Variants in KIFAP3 observed in about 807,000 individuals in gnomAD.
KIFAP3 encodes kinesin-associated protein 3.
KIFAP3 carries 68 observed loss-of-function variants against 106.5 expected under a neutral mutation model. The ratio of observed to expected loss-of-function variants is 0.64; its 90% confidence interval spans 0.53 to 0.78. The LOEUF (loss-of-function observed/expected upper bound fraction) is 0.78. Ranked by LOEUF, KIFAP3 falls within the 30% of genes least tolerant of loss-of-function variation. The pLI, the probability that KIFAP3 is intolerant of heterozygous loss-of-function variation, is 0.00. For synonymous variants in KIFAP3, 320 were observed against 311.5 expected, an observed-to-expected ratio of 1.03 and a Z score of -0.29; for missense variants, 780 against 941.8, an observed-to-expected ratio of 0.83 and a Z score of 2.25.
intron 10 of KIFAP3, among the ~76,000 whole-genome samples, chr1:169,996,874 T>C (rs1212184992): frequency 6.6e-6 from 1 of 152,154 alleles, no homozygotes; most frequent in Non-Finnish European, 1.5e-5. Flanking sequence ...AGAGGACCTG[T>C]GCCCAGATAT....
At chr1:170,047,616 G>C (rs745403842) in intron 2 of KIFAP3, among the ~76,000 whole-genome samples, 2 of 95,488 alleles carry the variant, frequency 2.1e-5, no homozygotes, top group African/African-American at 4.8e-5. Flanking sequence ...GCGAGGCTCT[G>C]TCTCAAAAAA....
chr1:170,067,634 G>C (rs1671508827), intron 1 of KIFAP3: 1 of 152,184 alleles, frequency 6.6e-6, no homozygotes, highest in Admixed American at 6.6e-5. Context: ...TGATTGTTTT[G>C]CAACTGACTG....
intron 1 of KIFAP3, among the ~76,000 whole-genome samples, chr1:170,063,786 CT>C: frequency 6.6e-6 from 1 of 152,282 alleles, no homozygotes; most frequent in East Asian, 1.9e-4. Flanking sequence ...ATTGCGGGAC[CT>C]TTCCCTGTCC....
chr1:169,943,595 C>G (rs1048840198), intron 19 of KIFAP3, among the ~76,000 whole-genome samples: 53 of 152,102 alleles, frequency 3.5e-4, no homozygotes, highest in Admixed American at 9.2e-4. Context: ...AAGGAGCAAG[C>G]CTTTATGACG....
intron 10 of KIFAP3, among the ~76,000 whole-genome samples, chr1:170,012,911 G>C (rs923333587): frequency 2.0e-5 from 3 of 152,102 alleles, no homozygotes; most frequent in Admixed American, 2.0e-4. Flanking sequence ...ACTACCATGA[G>C]AACACTATGC....
chr1:169,966,638 A>G (rs528245689), intron 17 of KIFAP3, among the ~76,000 whole-genome samples: 1 of 151,946 alleles, frequency 6.6e-6, no homozygotes, highest in Non-Finnish European at 1.5e-5. Flanking sequence ...ATGCCTATAA[A>G]AACTTTAGCA....
intron 17 of KIFAP3, among the ~76,000 whole-genome samples, chr1:169,970,040 A>G (rs1045240320): frequency 7.2e-5 from 11 of 152,060 alleles, no homozygotes; most frequent in Admixed American, 7.2e-4. Context: ...TGAAGGATAC[A>G]AATCTAATTG....
intron 8 of KIFAP3, among the ~76,000 whole-genome samples, chr1:170,027,630 C>A (rs1669181418): frequency 6.6e-6 from 1 of 151,980 alleles, no homozygotes; most frequent in Non-Finnish European, 1.5e-5. Flanking sequence ...GACATAATCA[C>A]AGAAACTATC....
chr1:169,971,526 T>C (rs887472685), intron 17 of KIFAP3, among the ~76,000 whole-genome samples: 5 of 152,050 alleles, frequency 3.3e-5, no homozygotes, highest in Non-Finnish European at 7.4e-5. Flanking sequence ...ACACCAGTAA[T>C]GGATACTTAG....
intron 5 of KIFAP3, among the ~76,000 whole-genome samples, chr1:170,037,568 A>T (rs949325523): frequency 2.1e-5 from 3 of 139,738 alleles, no homozygotes; most frequent in African/African-American, 5.4e-5. Flanking sequence ...TGTCTCTACT[A>T]AAAAAAAAAA....
intron 18 of KIFAP3, among the ~76,000 whole-genome samples, chr1:169,960,311 TAG>T (rs1474811662): frequency 2.6e-5 from 4 of 152,122 alleles, no homozygotes; most frequent in African/African-American, 9.6e-5. Flanking sequence ...TTCAACTTGC[TAG>T]AGATTTTAAT....
chr1:170,037,423 T>C (rs971196036), intron 5 of KIFAP3, among the ~76,000 whole-genome samples: 1 of 152,120 alleles, frequency 6.6e-6, no homozygotes, highest in Non-Finnish European at 1.5e-5. Context: ...ATCAGAAAAC[T>C]ATGCATTTAA....
upstream of KIFAP3, among the ~76,000 whole-genome samples, chr1:170,078,230 G>T (rs980893391): frequency 6.6e-6 from 1 of 150,840 alleles, no homozygotes; most frequent in Non-Finnish European, 1.5e-5. Context: ...TTTTAAATTT[G>T]TCTGTTTACT....
intron 1 of KIFAP3, among the ~76,000 whole-genome samples, chr1:170,056,981 CA>C (rs1670884731): frequency 6.6e-6 from 1 of 151,858 alleles, no homozygotes; most frequent in African/African-American, 2.4e-5. Flanking sequence ...ATAATATGTA[CA>C]AAAGCTATAG....
chr1:170,000,969 G>T (rs1667635981), intron 10 of KIFAP3, among the ~76,000 whole-genome samples: 1 of 151,008 alleles, frequency 6.6e-6, no homozygotes, highest in Non-Finnish European at 1.5e-5. Context: ...AAAAGTATGA[G>T]AAACTAACAT....
intron 17 of KIFAP3, among the ~76,000 whole-genome samples, chr1:169,969,379 T>A (rs1260455326): frequency 6.6e-6 from 1 of 152,040 alleles, no homozygotes; most frequent in African/African-American, 2.4e-5. Context: ...TCCTTGGTTA[T>A]CTTTGCAGAG....
chr1:169,989,829 T>C (rs549038495), intron 11 of KIFAP3, among the ~76,000 whole-genome samples: 38 of 152,216 alleles, frequency 2.5e-4, no homozygotes, highest in Non-Finnish European at 4.3e-4. Flanking sequence ...TCACTTTTAG[T>C]ACTGTTTTAT....
At chr1:170,057,463 A>G (rs997390296) in intron 1 of KIFAP3, among the ~76,000 whole-genome samples, 1 of 152,150 alleles carries the variant, frequency 6.6e-6, no homozygotes, top group Admixed American at 6.5e-5. Flanking sequence ...AAAAACTAAA[A>G]CAGAAATGAG....
upstream of KIFAP3, among the ~76,000 whole-genome samples, chr1:170,077,904 A>G (rs1671950631): frequency 1.3e-5 from 2 of 151,902 alleles, no homozygotes; most frequent in African/African-American, 4.8e-5. Context: ...TTTATTGTTA[A>G]GTACTATTCC....
Sources: gnomAD v4.1 joint callset for allele counts (sites outside exome capture counted in the v4.1 genomes callset) on GRCh38, gnomAD v4.1.1 for gene constraint, MANE v1.5 for transcripts, NCBI Gene and HGNC (gene_info 2026-07-23, HGNC 2026-07-21) for gene names.